Variants in MYO1B observed in about 807,000 individuals in gnomAD.
MYO1B encodes the protein myosin IB, also known as unconventional myosin-Ib.
A neutral mutation model predicts 159.7 loss-of-function variants in MYO1B; 72 were observed. The observed-to-expected ratio is 0.45, with a 90% CI of 0.37 to 0.55. The LOEUF (loss-of-function observed/expected upper bound fraction) is 0.55, where lower values mean the gene tolerates loss of function less well. Among genes scored for constraint, MYO1B ranks in the 20% least tolerant of loss-of-function variants. The pLI is 0.00. For synonymous variants in MYO1B, 468 were observed against 473.8 expected (o/e 0.99, Z 0.16); for missense variants, 1,062 against 1,364.8 (o/e 0.78, Z 3.50).
chr2:191,363,198 A>G (rs1378999657), intron 9 of MYO1B, among the ~76,000 whole-genome samples: 2 of 152,140 alleles, frequency 1.3e-5, no homozygotes, highest in Admixed American at 1.3e-4. Context: ...CCTGGACATG[A>G]TTTTGTTTAA....
chr2:191,407,449 C>T (rs1696992301), intron 24 of MYO1B, among the ~76,000 whole-genome samples: 1 of 152,142 alleles, frequency 6.6e-6, no homozygotes, highest in African/African-American at 2.4e-5. Context: ...TATACAAACA[C>T]TCCACTTTGT....
chr2:191,321,896 T>C (rs1690741292), intron 3 of MYO1B, among the ~76,000 whole-genome samples: 1 of 152,118 alleles, frequency 6.6e-6, no homozygotes, highest in Admixed American at 6.6e-5. Context: ...GCCCTCACAG[T>C]GAGTACAACG....
chr2:191,300,671 G>A lies in MYO1B; in HGVS notation c.251+4445G>A, dbSNP rs141393798. The stretch of plus-strand genomic sequence containing the variant: ...TTTTTTTTTTAAGAGATGAGGTCTT[G>A]CTATGTTGTCCAGGCTGGTTTCAAC... On this transcript the variant is annotated intron_variant, in intron 3 of 30. Coordinates refer to ENST00000392318, the MANE Select transcript of MYO1B (RefSeq NM_001130158.3). Among the ~76,000 whole-genome samples the A allele has an allele frequency of 4.4e-3, 367 of 83,634 alleles. 3 individuals carry two copies. The highest frequency in any genetic ancestry group is 0.018 in the African/African-American group (355 of 19,958). 54.9% of individuals were successfully genotyped at this position (83,634 alleles called of 152,430 possible).
At chr2:191,298,576 T>A (rs1387211143) in intron 3 of MYO1B, among the ~76,000 whole-genome samples, 1 of 152,224 alleles carries the variant, frequency 6.6e-6, no homozygotes, top group Non-Finnish European at 1.5e-5. Flanking sequence ...CATGTAAGTC[T>A]GAGAACGTGT....
chr2:191,313,642 C>T (rs1690166080), intron 3 of MYO1B, among the ~76,000 whole-genome samples: 1 of 152,208 alleles, frequency 6.6e-6, no homozygotes, highest in South Asian at 2.1e-4. Context: ...CCTCGGCCCC[C>T]CAAAGTGCTG....
In MYO1B at chr2:191,360,747, T is replaced by TGTG. The variant is rs113774397; in HGVS notation, c.661+22_661+24dup. On this transcript the variant is annotated intron_variant, in intron 8 of 30. Coordinates refer to ENST00000392318, the MANE Select transcript of MYO1B (RefSeq NM_001130158.3). ...GCTCCTCAGTAAGTCTCTGTTTCTA[T>TGTG]GTGGTGTTGTTGTTGTTGTTGTTGT... The TGTG allele has an allele frequency of 3.1e-4, 359 of 1,158,610 alleles. 2 individuals carry two copies. The highest frequency in any genetic ancestry group is 9.5e-4 in the African/African-American group (51 of 53,660). 71.8% of individuals were successfully genotyped at this position (1,158,610 alleles called of 1,614,324 possible). A position where few individuals can be genotyped will look rare whatever the true frequency, so the allele number is the denominator to read the frequency against.
chr2:191,326,811 T>C lies in MYO1B; in HGVS notation c.252-3124T>C, dbSNP rs35093393. Among the ~76,000 whole-genome samples the C allele has an allele frequency of 2.6e-3, 346 of 130,880 alleles. 1 individual carries two copies. Among genetic ancestry groups the C allele is most frequent in the East Asian group, 6.2e-3 (25 of 4,064 alleles). The allele number at this position is 130,880 out of a possible 152,430, so 85.9% of individuals were successfully genotyped here. On this transcript the variant is annotated intron_variant, in intron 3 of 30. Coordinates refer to ENST00000392318, the MANE Select transcript of MYO1B (RefSeq NM_001130158.3). Reference sequence around the variant, plus strand: ...GTGTGTGTGTGTGTGTGTGTGTGTGTGTGTGCGCGCGCCATATATGTTACT... The same window carrying C: ...GTGTGTGTGTGTGTGTGTGTGTGTGCGTGTGCGCGCGCCATATATGTTACT...
At position 191,364,170 on chromosome 2, in the gene MYO1B, T is replaced by C. The variant is rs759134640; in HGVS notation, c.926T>C (p.Ile309Thr). ...TGCCTTCCCACAGAGTTAAAAGAAA[T>C]TTGTGAATTGACCGGCATTGATCAA... is the stretch of plus-strand genomic sequence containing the variant. ...KIKDKNELKEICELTGIDQSV... is the reference protein window; with the variant it reads ...KIKDKNELKETCELTGIDQSV... The change falls in exon 11 of 31, where the codon ATT becomes ACT. Residue 309 changes from isoleucine (I) to threonine (T), a missense_variant. Ile to Thr is a moderately conservative substitution (Grantham distance 89, BLOSUM62 -1). This residue lies in a region of MYO1B where 415 missense variants were observed against 544.0 expected (regional missense o/e 0.76). Transcript: ENST00000392318. 6.2e-7 allele frequency: 1 copy of C among 1,613,830 alleles called. No individual in the cohort carries two copies. The highest frequency in any genetic ancestry group is 8.5e-7 in the Non-Finnish European group (1 of 1,179,780).
At chr2:191,320,547 A>G (rs1690640706) in intron 3 of MYO1B, among the ~76,000 whole-genome samples, 3 of 152,116 alleles carry the variant, frequency 2.0e-5, no homozygotes, top group Admixed American at 6.6e-5. Context: ...GTATCTGTCT[A>G]TATTCAGGCA....
intron 12 of MYO1B, among the ~76,000 whole-genome samples, 181 bp downstream of exon 12, chr2:191,369,809 T>C (rs549285194): frequency 1.3e-3 from 200 of 152,366 alleles, no homozygotes; most frequent in Non-Finnish European, 2.1e-3. Flanking sequence ...TATTTTGTTT[T>C]GCCATGTGTG....
At chr2:191,368,284 A>G (rs1007968676) in intron 11 of MYO1B, among the ~76,000 whole-genome samples, 1 of 152,200 alleles carries the variant, frequency 6.6e-6, no homozygotes. Flanking sequence ...TAATACCCCA[A>G]TTTTTACTTA....
chr2:191,397,056 T>C (rs371308813), intron 21 of MYO1B, among the ~76,000 whole-genome samples: 13 of 141,022 alleles, frequency 9.2e-5, no homozygotes, highest in African/African-American at 2.8e-4. Context: ...CGTGTTCTCA[T>C]ACAACCTGCA....
At chr2:191,412,630 A>G (rs1016607483) in intron 27 of MYO1B, among the ~76,000 whole-genome samples, 25 of 152,182 alleles carry the variant, frequency 1.6e-4, no homozygotes, top group African/African-American at 4.6e-4. Context: ...TTCTTCCCTT[A>G]TCCTCCACCC....
rs142648362 is a variant in MYO1B at position 191,403,548 on chromosome 2, T to C, written c.2556+830T>C. On this transcript the variant is annotated intron_variant, in intron 24 of 30. Transcript: ENST00000392318. ...CTTATCATTGTTTTTACTTTAATCC[T>C]ATGACATTTAATCTTACTCCAAATA... Among the ~76,000 whole-genome samples, 116 of 152,330 alleles carry C rather than the reference T, an allele frequency of 7.6e-4. No homozygotes were observed. In the Middle Eastern group the frequency reaches 0.01, roughly 13 times the overall value.
intron 3 of MYO1B, among the ~76,000 whole-genome samples, chr2:191,319,936 T>G (rs1380561112): frequency 6.6e-6 from 1 of 152,154 alleles, no homozygotes; most frequent in Non-Finnish European, 1.5e-5. Context: ...TGTATCAAGA[T>G]GGCTTGTGAA....
In MYO1B at chr2:191,320,307, G is replaced by A. The variant is rs1460488149; in HGVS notation, c.252-9628G>A. On this transcript the variant is annotated intron_variant, in intron 3 of 30. Transcript: ENST00000392318. ...GTATGCCTCTGCCTGACACTCTCCTGACACATAAAATGTTTATTGAATTAA... is the reference window on the plus strand; with the variant it reads ...GTATGCCTCTGCCTGACACTCTCCTAACACATAAAATGTTTATTGAATTAA... Among the ~76,000 whole-genome samples the A allele has an allele frequency of 2.6e-5, 4 of 152,082 alleles. 1 individual carries two copies. The highest frequency in any genetic ancestry group is 3.2e-3 in the Middle Eastern group (1 of 316).
intron 3 of MYO1B, among the ~76,000 whole-genome samples, chr2:191,307,714 C>G (rs1297035595): frequency 1.3e-5 from 2 of 152,198 alleles, no homozygotes; most frequent in Non-Finnish European, 1.5e-5. Flanking sequence ...ACTACTCACA[C>G]TTCTGCTTAG....
At chr2:191,350,065 G>A in intron 6 of MYO1B, 97 bp from the exon 7 acceptor site, 1 of 920,130 alleles carries the variant, frequency 1.1e-6, no homozygotes, top group African/African-American at 1.7e-5. Context: ...TTAAACAAAT[G>A]TATAAAAATA....
intron 3 of MYO1B, among the ~76,000 whole-genome samples, chr2:191,299,541 G>T (rs1689182442): frequency 6.6e-6 from 1 of 152,150 alleles, no homozygotes; most frequent in Admixed American, 6.5e-5. Context: ...ACCTCAAATT[G>T]CAGAAGACCT....
Sources: allele counts gnomAD v4.1 joint callset (sites outside exome capture counted in the v4.1 genomes callset), GRCh38; gene constraint gnomAD v4.1.1; regional missense constraint gnomAD v4.1.1; transcripts MANE v1.5; gene names NCBI Gene and HGNC (gene_info 2026-07-23, HGNC 2026-07-21).